The following SDC1 variants were observed in gnomAD, a reference collection of about 807,000 sequenced individuals.
The protein encoded by SDC1 is syndecan 1.
SDC1 carries 14 observed loss-of-function variants against 29.7 expected under a neutral mutation model. The ratio of observed to expected loss-of-function variants is 0.47; its 90% CI spans 0.31 to 0.74. SDC1 has a LOEUF of 0.74. SDC1 is among the 30% of genes least tolerant of loss of function. SDC1 has a pLI of 0.05. For synonymous variants in SDC1, 204 were observed against 175.5 expected, an observed-to-expected ratio of 1.16 and a Z score of -1.29; for missense variants, 406 against 400.3, an observed-to-expected ratio of 1.01 and a Z score of -0.12.
At position 20,202,005 on chromosome 2, in the gene SDC1, T is replaced by G. The variant is rs1677024827; in HGVS notation, c.*761A>C. Reference sequence around the variant, plus strand: ...AGAAACGGGGCCACCAGACAGATAGTCCATACCCTGTTGCACACATGAGCG... The same window carrying G: ...AGAAACGGGGCCACCAGACAGATAGGCCATACCCTGTTGCACACATGAGCG... On this transcript the variant is annotated 3_prime_UTR_variant, in exon 5 of 5. Coordinates refer to ENST00000254351, the MANE Select transcript of SDC1 (RefSeq NM_002997.5). 2 of 454,384 alleles carry G rather than the reference T, an allele frequency of 4.4e-6. No individual in the cohort carries two copies. The highest frequency in any genetic ancestry group is 7.7e-6 in the Non-Finnish European group (2 of 258,274). 28.1% of individuals were successfully genotyped at this position (454,384 alleles called of 1,614,324 possible).
chr2:20,225,225 G>C (rs1052381128), upstream of SDC1: 1 of 174,832 alleles, frequency 5.7e-6, no homozygotes, highest in African/African-American at 2.4e-5. Context: ...GGCCCCTTCG[G>C]AACGCCCCAC....
chr2:20,222,404 C>A (rs952653997), intron 1 of SDC1, among the ~76,000 whole-genome samples: 1 of 152,180 alleles, frequency 6.6e-6, no homozygotes, highest in East Asian at 1.9e-4. Context: ...CATGCCCCCA[C>A]CTTTAACCTA....
intron 2 of SDC1, 89 bp downstream of exon 2, chr2:20,205,254 C>T: frequency 2.0e-6 from 2 of 1,007,448 alleles, no homozygotes; most frequent in Non-Finnish European, 3.2e-6. Flanking sequence ...TCAGTACATG[C>T]TCAGTAAACA....
chr2:20,212,045 C>G (rs1331833638), intron 1 of SDC1, among the ~76,000 whole-genome samples: 1 of 152,238 alleles, frequency 6.6e-6, no homozygotes, highest in African/African-American at 2.4e-5. Context: ...CACCTAGACG[C>G]CAGAAGGGGC....
intron 1 of SDC1, among the ~76,000 whole-genome samples, chr2:20,209,837 C>T (rs1220946600): frequency 6.6e-6 from 1 of 152,272 alleles, no homozygotes; most frequent in Non-Finnish European, 1.5e-5. Flanking sequence ...CCTTGGCTGC[C>T]TCAGAAGCCA....
At chr2:20,223,259 C>T in intron 1 of SDC1, 1 of 1,301,400 alleles carries the variant, frequency 7.7e-7, no homozygotes, top group South Asian at 1.2e-5. Context: ...GTCCCTACCT[C>T]ATCTCCCATG....
Position 20,202,716 on chromosome 2 carries a change from A to G in SDC1, c.*50T>C. On this transcript the variant is annotated 3_prime_UTR_variant, in exon 5 of 5. Transcript: ENST00000254351. ...GCCTGCAGTTCTTCAAGGAAGAGGC[A>G]AGTGGGGGCCTAGTGAGTGGCAGGG... 6.6e-7 allele frequency: 1 copy of G among 1,521,914 alleles called. No individual in the cohort carries two copies. Among genetic ancestry groups the G allele is most frequent in the South Asian group, 1.3e-5 (1 of 76,880 alleles). The allele number at this position is 1,521,914 out of a possible 1,614,324, so 94.3% of individuals were successfully genotyped here.
At chr2:20,215,161 A>G (rs372323718) in intron 1 of SDC1, among the ~76,000 whole-genome samples, 109 of 152,338 alleles carry the variant, frequency 7.2e-4, no homozygotes, top group African/African-American at 2.5e-3. Context: ...GTCGGCATCC[A>G]TAGAAAACCC....
intron 1 of SDC1, among the ~76,000 whole-genome samples, chr2:20,211,959 A>G (rs1167473734): frequency 2.6e-5 from 4 of 152,218 alleles, no homozygotes; most frequent in Non-Finnish European, 2.9e-5. Context: ...GGTCTCTGGG[A>G]AAGGGCTGGA....
intron 1 of SDC1, chr2:20,208,160 A>G: frequency 1.0e-6 from 1 of 976,376 alleles, no homozygotes; most frequent in Middle Eastern, 5.2e-4. Context: ...AGACACACAC[A>G]CTGGGGCCCA....
intron 1 of SDC1, among the ~76,000 whole-genome samples, chr2:20,220,636 G>A (rs916724190): frequency 2.6e-5 from 4 of 152,160 alleles, no homozygotes; most frequent in Non-Finnish European, 4.4e-5. Context: ...AAATGAATAC[G>A]CAAATGACAG....
At chr2:20,206,155 G>A (rs1032437464) in intron 1 of SDC1, among the ~76,000 whole-genome samples, 2 of 152,254 alleles carry the variant, frequency 1.3e-5, no homozygotes, top group African/African-American at 4.8e-5. Flanking sequence ...AGGACAGGGT[G>A]TCCATCAGGC....
At chr2:20,219,241 C>T (rs1234771715) in intron 1 of SDC1, among the ~76,000 whole-genome samples, 2 of 152,296 alleles carry the variant, frequency 1.3e-5, no homozygotes, top group South Asian at 2.1e-4. Context: ...CACCCCTCCC[C>T]GAGATCCCCA....
In SDC1 at chr2:20,224,738, G is replaced by A. The variant is rs1055451966; in HGVS notation, c.66+64C>T. 1.6e-6 allele frequency: 2 copies of A among 1,252,772 alleles called. No individual in the cohort carries two copies. The highest frequency in any genetic ancestry group is 1.0e-6 in the Non-Finnish European group (1 of 995,600). 77.6% of individuals were successfully genotyped at this position (1,252,772 alleles called of 1,614,324 possible). A position where few individuals can be genotyped will look rare whatever the true frequency, so the allele number is the denominator to read the frequency against. ...CCTCCCCCTCCACGTGCACCCGCCG[G>A]CATCCGCGGGTGACCAGTCCCGGCT... On this transcript the variant is annotated intron_variant, in intron 1 of 4. Coordinates refer to ENST00000254351, the MANE Select transcript of SDC1 (RefSeq NM_002997.5). This position sits in a 1 kb window ranked among gnomAD's most constrained non-coding sequence, Gnocchi z 4.9.
chr2:20,204,586 T>G (rs1282892107), intron 2 of SDC1, among the ~76,000 whole-genome samples: 1 of 151,940 alleles, frequency 6.6e-6, no homozygotes, highest in East Asian at 1.9e-4. Flanking sequence ...GGGGTGGGCA[T>G]CCCTTAGGGG....
chr2:20,203,015 G>A, intron 4 of SDC1, 72 bp downstream of exon 4: 1 of 1,566,484 alleles, frequency 6.4e-7, no homozygotes, highest in Non-Finnish European at 8.7e-7. Context: ...CAGTGGCCTT[G>A]GCTGTGGTCA....
chr2:20,225,240 G>A (rs1038702640), upstream of SDC1: 251 of 136,808 alleles, frequency 1.8e-3, no homozygotes, highest in Non-Finnish European at 3.0e-3. Context: ...CCCCACCCCC[G>A]GCCCGCTCCT....
In SDC1 at chr2:20,202,351, A is replaced by G. The variant is rs1572456739; in HGVS notation, c.*415T>C. On this transcript the variant is annotated 3_prime_UTR_variant, in exon 5 of 5. Transcript: ENST00000254351. ...CCACCCCCCCAAGATGCTTGGTCCT[A>G]CCAGTAAGTGCTACAGGTGTGTGAG... The G allele has an allele frequency of 1.3e-6, 1 of 765,974 alleles. No homozygotes were observed. The highest frequency in any genetic ancestry group is 2.3e-4 in the Middle Eastern group (1 of 4,364). The allele number at this position is 765,974 out of a possible 1,614,324, so 47.4% of individuals were successfully genotyped here. A position where few individuals can be genotyped will look rare whatever the true frequency, so the allele number is the denominator to read the frequency against.
At chr2:20,217,437 C>T (rs899903344) in intron 1 of SDC1, among the ~76,000 whole-genome samples, 2 of 152,128 alleles carry the variant, frequency 1.3e-5, no homozygotes, top group African/African-American at 4.8e-5. Flanking sequence ...ACAGGCAGGC[C>T]CCCAGATACC....
Sources: gnomAD v4.1 joint callset for allele counts (sites outside exome capture counted in the v4.1 genomes callset) on GRCh38, gnomAD v4.1.1 for gene constraint, Gnocchi (gnomAD v3.1) non-coding constraint, MANE v1.5 for transcripts, NCBI Gene and HGNC (gene_info 2026-07-23, HGNC 2026-07-21) for gene names.